The following GMDS variants were observed in gnomAD, a reference collection of about 807,000 sequenced individuals.
GMDS encodes GDP-mannose 4,6 dehydratase.
Under a neutral mutation model 49.9 loss-of-function variants are expected in GMDS, and 20 were observed. The observed-to-expected ratio is 0.40, with a 90% CI of 0.28 to 0.58. GMDS has a LOEUF of 0.58. Ranked by LOEUF, GMDS falls within the 20% of genes least tolerant of loss-of-function variation. The pLI is 0.42. For missense variants in GMDS, 362 were observed against 481.4 expected (o/e 0.75, Z 2.32); for synonymous variants, 177 against 178.6 (o/e 0.99, Z 0.07).
chr6:2,079,016 TGTC>T (rs1248816371), intron 4 of GMDS, among the ~76,000 whole-genome samples: 1 of 136,372 alleles, frequency 7.3e-6, no homozygotes, highest in Non-Finnish European at 1.6e-5. Flanking sequence ...ATAATGACCT[TGTC>T]TTTTTTTTTT....
At position 1,833,961 on chromosome 6, in the gene GMDS, T is replaced by G. The variant is rs998621243; in HGVS notation, c.772-91375A>C. Among the ~76,000 whole-genome samples the G allele has an allele frequency of 6.6e-6, 1 of 152,132 alleles. No homozygotes were observed. The highest frequency in any genetic ancestry group is 2.4e-5 in the African/African-American group (1 of 41,414). ...GAACAACTCTAATATTCTTACTCACTCAAAAATGAAGACATGTATATACAA... is the reference window on the plus strand; with the variant it reads ...GAACAACTCTAATATTCTTACTCACGCAAAAATGAAGACATGTATATACAA... On this transcript the variant is annotated intron_variant, in intron 7 of 10. Coordinates refer to ENST00000380815, the MANE Select transcript of GMDS (RefSeq NM_001500.4). The surrounding 1 kb of genome is among the most constrained non-coding windows in gnomAD (Gnocchi z 4.4).
intron 1 of GMDS, among the ~76,000 whole-genome samples, chr6:2,160,041 A>G (rs573649029): frequency 9.8e-5 from 15 of 152,360 alleles, no homozygotes; most frequent in African/African-American, 3.6e-4. Context: ...GGCTGAAAAA[A>G]TCATTCAATC....
intron 4 of GMDS, among the ~76,000 whole-genome samples, chr6:2,024,785 T>C (rs145597363): frequency 0.018 from 2,688 of 151,950 alleles, 88 homozygotes; most frequent in African/African-American, 0.062. Flanking sequence ...TAAGTATAAG[T>C]GCATTATTAC....
intron 4 of GMDS, among the ~76,000 whole-genome samples, chr6:2,089,641 G>A (rs577252113): frequency 1.7e-4 from 26 of 152,152 alleles, no homozygotes; most frequent in Non-Finnish European, 3.4e-4. Context: ...CACTGCTTTT[G>A]AAAACTTATT....
In GMDS at chr6:1,778,812, C is replaced by T. The variant is rs1022884470; in HGVS notation, c.772-36226G>A. ...AGTGTGGGCCAGGACTGTACCAGCT[C>T]TGCAGTCAGAACTTGGCCCCTTGCA... On this transcript the variant is annotated intron_variant, in intron 7 of 10. Coordinates refer to ENST00000380815, the MANE Select transcript of GMDS (RefSeq NM_001500.4). This position sits in a 1 kb window ranked among gnomAD's most constrained non-coding sequence, Gnocchi z 4.6. Among the ~76,000 whole-genome samples, 7 of 152,220 alleles carry T rather than the reference C, an allele frequency of 4.6e-5. No individual in the cohort carries two copies. In the South Asian group the frequency reaches 1.5e-3, roughly 32 times the overall value.
At chr6:2,005,610 T>C (rs1044307730) in intron 4 of GMDS, among the ~76,000 whole-genome samples, 4 of 152,180 alleles carry the variant, frequency 2.6e-5, no homozygotes, top group African/African-American at 9.7e-5. Flanking sequence ...ACCAATATCT[T>C]ACCTTCTTGA....
intron 7 of GMDS, among the ~76,000 whole-genome samples, chr6:1,750,337 A>G (rs535976670): frequency 6.6e-6 from 1 of 152,302 alleles, no homozygotes; most frequent in Non-Finnish European, 1.5e-5. Flanking sequence ...TGCCAGTGAG[A>G]TCAACGCAGA....
intron 8 of GMDS, among the ~76,000 whole-genome samples, chr6:1,727,985 G>T (rs186200759): frequency 1.3e-5 from 2 of 152,304 alleles, no homozygotes; most frequent in African/African-American, 4.8e-5. Context: ...ATGTTGATTA[G>T]ATCAATTTGG....
At chr6:2,212,828 G>T (rs757029327) in intron 1 of GMDS, among the ~76,000 whole-genome samples, 1 of 151,960 alleles carries the variant, frequency 6.6e-6, no homozygotes, top group East Asian at 1.9e-4. Context: ...CCATAAGAGC[G>T]TGTGTCATCC....
intron 4 of GMDS, among the ~76,000 whole-genome samples, chr6:2,031,706 C>G (rs1160235593): frequency 1.3e-5 from 2 of 152,104 alleles, no homozygotes; most frequent in African/African-American, 4.8e-5. Flanking sequence ...TCAGGGCATT[C>G]CTGGTGTGTG....
intron 7 of GMDS, among the ~76,000 whole-genome samples, chr6:1,751,999 C>T (rs916212822): frequency 3.9e-5 from 6 of 152,128 alleles, no homozygotes; most frequent in African/African-American, 7.2e-5. Context: ...CACAACTCCT[C>T]GGCAGCAAGG....
At chr6:1,991,821 T>C (rs886100792) in intron 4 of GMDS, among the ~76,000 whole-genome samples, 1 of 152,156 alleles carries the variant, frequency 6.6e-6, no homozygotes, top group African/African-American at 2.4e-5. Context: ...TAAGATGAAG[T>C]CATACAGGGG....
At chr6:1,998,888 CAA>C (rs1266723406) in intron 4 of GMDS, among the ~76,000 whole-genome samples, 2 of 147,208 alleles carry the variant, frequency 1.4e-5, no homozygotes, top group Non-Finnish European at 3.0e-5. Context: ...TTTTTTAAAA[CAA>C]AAAGACTCAG....
intron 7 of GMDS, among the ~76,000 whole-genome samples, chr6:1,811,602 G>A (rs956461016): frequency 6.9e-6 from 1 of 145,628 alleles, no homozygotes; most frequent in South Asian, 2.2e-4. Context: ...ATGCTTTCTG[G>A]AGACTTACGG....
intron 9 of GMDS, among the ~76,000 whole-genome samples, chr6:1,677,945 T>TA (rs1404347106): frequency 6.6e-6 from 1 of 152,084 alleles, no homozygotes; most frequent in Non-Finnish European, 1.5e-5. Context: ...TAAAGTATAA[T>TA]AAAAAAATAA....
At chr6:2,147,015 T>C (rs1476939633) in intron 1 of GMDS, among the ~76,000 whole-genome samples, 1 of 152,182 alleles carries the variant, frequency 6.6e-6, no homozygotes, top group Non-Finnish European at 1.5e-5. Context: ...AAAGAGGATA[T>C]TGCTGATAGA....
intron 7 of GMDS, among the ~76,000 whole-genome samples, chr6:1,920,110 G>A (rs1428027488): frequency 6.6e-6 from 1 of 152,190 alleles, no homozygotes; most frequent in Admixed American, 6.5e-5. Flanking sequence ...AAGTGAACGG[G>A]GCTGAAAATA....
intron 8 of GMDS, among the ~76,000 whole-genome samples, chr6:1,734,906 C>T (rs147464508): frequency 1.6e-3 from 242 of 152,332 alleles, no homozygotes; most frequent in African/African-American, 5.5e-3. Flanking sequence ...TGGCTCTCCT[C>T]GGCTGTGAAA....
At chr6:1,852,742 C>CTT (rs1245687832) in intron 7 of GMDS, among the ~76,000 whole-genome samples, 1 of 150,164 alleles carries the variant, frequency 6.7e-6, no homozygotes, top group Admixed American at 6.6e-5. Context: ...GAGTTTCGCT[C>CTT]GTTGCCCAGG....
Sources: gnomAD v4.1 joint callset for allele counts (sites outside exome capture counted in the v4.1 genomes callset) on GRCh38, gnomAD v4.1.1 for gene constraint, Gnocchi (gnomAD v3.1) non-coding constraint, MANE v1.5 for transcripts, NCBI Gene and HGNC (gene_info 2026-07-23, HGNC 2026-07-21) for gene names.